The following USH2A variants were observed in gnomAD, a reference collection of about 807,000 sequenced individuals.
USH2A encodes Usher syndrome 2A (autosomal recessive, mild).
USH2A carries 443 observed loss-of-function variants against 538.9 expected under a neutral mutation model. The observed-to-expected ratio is 0.82, with a 90% CI of 0.76 to 0.89. The LOEUF (loss-of-function observed/expected upper bound fraction) is 0.89, where lower values mean the gene tolerates loss of function less well. USH2A is among the 40% of genes least tolerant of loss of function. The pLI is 0.00. For synonymous variants in USH2A, 2,413 were observed against 2,273.5 expected (o/e 1.06, Z -1.75); for missense variants, 6,633 against 6,324.8 (o/e 1.05, Z -1.65).
At chr1:216,240,392 C>G (rs1437949708) in intron 13 of USH2A, among the ~76,000 whole-genome samples, 1 of 151,830 alleles carries the variant, frequency 6.6e-6, no homozygotes, top group Non-Finnish European at 1.5e-5. Flanking sequence ...ACTGTTTGGT[C>G]GAACATGAGT....
chr1:216,382,661 G>A (rs1016525549), intron 3 of USH2A, among the ~76,000 whole-genome samples: 5 of 152,156 alleles, frequency 3.3e-5, no homozygotes, highest in African/African-American at 9.7e-5. Flanking sequence ...TCATGGTTGT[G>A]AGTAAGAATT....
intron 61 of USH2A, among the ~76,000 whole-genome samples, chr1:215,725,897 G>A (rs1304546125): frequency 1.3e-5 from 2 of 152,088 alleles, no homozygotes; most frequent in Non-Finnish European, 2.9e-5. Flanking sequence ...CAGAGTTCAT[G>A]GATTCATCAT....
intron 60 of USH2A, among the ~76,000 whole-genome samples, chr1:215,734,432 A>G (rs1426536422): frequency 1.3e-5 from 2 of 151,990 alleles, no homozygotes; most frequent in African/African-American, 4.8e-5. Context: ...TTTCCCTATT[A>G]TCTTGGATAT....
chr1:215,787,028 T>A (rs112569425), intron 51 of USH2A, among the ~76,000 whole-genome samples, 154 bp from the exon 52 acceptor site: 4 of 152,318 alleles, frequency 2.6e-5, no homozygotes, highest in African/African-American at 9.6e-5. Flanking sequence ...ATGAAGGCAG[T>A]TTGTATACTA....
chr1:216,070,809 T>C (rs1023431145), intron 29 of USH2A, among the ~76,000 whole-genome samples: 8 of 150,550 alleles, frequency 5.3e-5, no homozygotes, highest in African/African-American at 2.0e-4. Flanking sequence ...AAAAGCAAAG[T>C]TCTACCAGAT....
intron 18 of USH2A, 133 bp from the exon 19 acceptor site, chr1:216,196,855 C>A: frequency 9.4e-7 from 1 of 1,064,142 alleles, no homozygotes; most frequent in Non-Finnish European, 1.4e-6. Context: ...TGAAAAAGTC[C>A]AAGAATATGC....
chr1:216,225,245 C>T (rs567367183), intron 14 of USH2A, among the ~76,000 whole-genome samples: 22 of 152,162 alleles, frequency 1.4e-4, no homozygotes, highest in African/African-American at 3.9e-4. Context: ...GATTCAAGAA[C>T]GGTATCATTC....
At chr1:215,974,453 G>A (rs367749448) in intron 35 of USH2A, among the ~76,000 whole-genome samples, 102 of 152,270 alleles carry the variant, frequency 6.7e-4, no homozygotes, top group Middle Eastern at 6.8e-3. Flanking sequence ...CACCCAGATA[G>A]TGAGCATAGT....
intron 32 of USH2A, among the ~76,000 whole-genome samples, chr1:216,018,781 GT>G (rs1668777196): frequency 8.0e-6 from 1 of 124,944 alleles, no homozygotes; most frequent in Non-Finnish European, 1.6e-5. Flanking sequence ...TTTGAAAAAT[GT>G]TAAGTAGCAT....
intron 21 of USH2A, among the ~76,000 whole-genome samples, chr1:216,135,710 T>C (rs1311240564): frequency 2.0e-5 from 3 of 152,148 alleles, no homozygotes; most frequent in Non-Finnish European, 2.9e-5. Context: ...GATTGGTATG[T>C]ATTCAATGAT....
At chr1:216,345,748 C>G (rs2038163043) in intron 4 of USH2A, among the ~76,000 whole-genome samples, 1 of 152,088 alleles carries the variant, frequency 6.6e-6, no homozygotes, top group Non-Finnish European at 1.5e-5. Flanking sequence ...GCCTACTGTT[C>G]AAGACGGCCC....
At chr1:216,322,604 CAA>C (rs202180946) in intron 8 of USH2A, among the ~76,000 whole-genome samples, 10 of 72,690 alleles carry the variant, frequency 1.4e-4, no homozygotes, top group Admixed American at 1.5e-4. Flanking sequence ...AAAAGCCTGT[CAA>C]AAAAAAAAAA....
intron 37 of USH2A, among the ~76,000 whole-genome samples, chr1:215,948,425 GATATATAT>G (rs143122492): frequency 6.9e-6 from 1 of 144,552 alleles, no homozygotes; most frequent in Non-Finnish European, 1.5e-5. Flanking sequence ...TATTTGTTCA[GATATATAT>G]ATATATATAT....
chr1:215,810,048 T>C (rs576947907), intron 49 of USH2A, among the ~76,000 whole-genome samples: 1 of 152,292 alleles, frequency 6.6e-6, no homozygotes, highest in African/African-American at 2.4e-5. Flanking sequence ...AAAACACTCT[T>C]TGATTATTTC....
intron 49 of USH2A, among the ~76,000 whole-genome samples, chr1:215,800,781 T>G (rs149958008): frequency 7.9e-5 from 12 of 152,194 alleles, no homozygotes; most frequent in Admixed American, 2.6e-4. Context: ...TCTCACTAGA[T>G]GAAATGAGCA....
chr1:215,971,223 T>C (rs146759924), intron 35 of USH2A, among the ~76,000 whole-genome samples: 131 of 152,304 alleles, frequency 8.6e-4, no homozygotes, highest in Admixed American at 1.7e-3. Flanking sequence ...CTGGTACACA[T>C]TGGCTTCTTT....
At chr1:215,641,982 T>C (rs1418294695) in intron 67 of USH2A, among the ~76,000 whole-genome samples, 2 of 152,234 alleles carry the variant, frequency 1.3e-5, no homozygotes, top group Non-Finnish European at 2.9e-5. Flanking sequence ...TTGTTATTTG[T>C]CTATGACTTC....
At chr1:216,228,880 A>G (rs2035617769) in intron 14 of USH2A, among the ~76,000 whole-genome samples, 1 of 152,118 alleles carries the variant, frequency 6.6e-6, no homozygotes, top group Non-Finnish European at 1.5e-5. Context: ...AAACTTGTGG[A>G]TCTTTTTGTT....
chr1:215,789,725 A>C (rs1004274004), intron 51 of USH2A, among the ~76,000 whole-genome samples: 2 of 152,148 alleles, frequency 1.3e-5, no homozygotes, highest in Admixed American at 6.5e-5. Context: ...TCCTGCCTCC[A>C]TCCACAGTGC....
Sources: gnomAD v4.1 joint callset for allele counts (sites outside exome capture counted in the v4.1 genomes callset) on GRCh38, gnomAD v4.1.1 for gene constraint, MANE v1.5 for transcripts, NCBI Gene and HGNC (gene_info 2026-07-23, HGNC 2026-07-21) for gene names.